NUP54: variants seen among roughly 807,000 people sequenced by gnomAD.
NUP54 encodes nucleoporin 54, also known as nucleoporin p54.
Under a neutral mutation model 66.4 loss-of-function variants are expected in NUP54, and 27 were observed. The ratio of observed to expected loss-of-function variants is 0.41; its 90% CI spans 0.30 to 0.56. NUP54 has a LOEUF of 0.56. NUP54 is among the 20% of genes least tolerant of loss of function. The probability of loss-of-function intolerance (pLI) is 0.34; values close to 1 mark genes in which losing one functional copy is unlikely to be tolerated. For synonymous variants in NUP54, 206 were observed against 210.7 expected, an observed-to-expected ratio of 0.98 and a Z score of 0.19; for missense variants, 486 against 596.3, an observed-to-expected ratio of 0.82 and a Z score of 1.93.
At position 76,115,145 on chromosome 4, in the gene NUP54, T is replaced by C. The variant is rs1453051401; in HGVS notation, c.*221A>G. Reference sequence around the variant, plus strand: ...AATTATGCACTTCTTTTAAAGTAAATACAGCTTTTAGATATAAATCTTTCA... The same window carrying C: ...AATTATGCACTTCTTTTAAAGTAAACACAGCTTTTAGATATAAATCTTTCA... On this transcript the variant is annotated 3_prime_UTR_variant, in exon 12 of 12. Coordinates refer to ENST00000264883, the MANE Select transcript of NUP54 (RefSeq NM_017426.4). 1.0e-5 allele frequency: 4 copies of C among 385,312 alleles called. No homozygotes were observed. The Admixed American group carries it at 1.4e-4, about 13-fold the overall frequency. 23.9% of individuals were successfully genotyped at this position (385,312 alleles called of 1,614,324 possible). A position where few individuals can be genotyped will look rare whatever the true frequency, so the allele number is the denominator to read the frequency against.
intron 8 of NUP54, among the ~76,000 whole-genome samples, chr4:76,126,012 T>C (rs1245813209): frequency 6.6e-6 from 1 of 152,186 alleles, no homozygotes; most frequent in Non-Finnish European, 1.5e-5. Context: ...ATGTGTAAGA[T>C]GATATCTAGG....
intron 3 of NUP54, among the ~76,000 whole-genome samples, chr4:76,137,258 A>G (rs148066941): frequency 0.016 from 2,375 of 152,280 alleles, 67 homozygotes; most frequent in African/African-American, 0.055. Context: ...TCAGCTTCCC[A>G]AAGTGCTGGG....
intron 10 of NUP54, 46 bp from the exon 11 acceptor site, chr4:76,117,820 G>GAGTGTAGATCTCGGTGGTCGCCGTATCAT: frequency 1.4e-6 from 2 of 1,436,694 alleles, no homozygotes; most frequent in East Asian, 2.3e-5. Flanking sequence ...ACGAAGACTT[G>GAGTGTAGATCTCGGTGGTCGCCGTATCAT]TAAAAGACAA....
At chr4:76,133,251 T>TC (rs1425072032) in intron 5 of NUP54, among the ~76,000 whole-genome samples, 20 of 151,982 alleles carry the variant, frequency 1.3e-4, no homozygotes, top group African/African-American at 4.8e-4. Context: ...CATGTAATGT[T>TC]CATTTACAAA....
chr4:76,144,334 A>AG, intron 2 of NUP54, 42 bp from the exon 3 acceptor site: 2 of 1,596,096 alleles, frequency 1.3e-6, no homozygotes, highest in South Asian at 2.3e-5. Context: ...AAAAAAAAAA[A>AG]AAAATCTGAC....
At chr4:76,132,925 T>G (rs1161459818) in intron 5 of NUP54, among the ~76,000 whole-genome samples, 2 of 151,250 alleles carry the variant, frequency 1.3e-5, no homozygotes, top group Non-Finnish European at 1.5e-5. Flanking sequence ...GTATCATCAC[T>G]GCAGCCTCAA....
intron 11 of NUP54, 64 bp from the exon 12 acceptor site, chr4:76,115,558 G>A (rs2109846418): frequency 1.5e-6 from 2 of 1,342,930 alleles, no homozygotes; most frequent in Non-Finnish European, 2.0e-6. Context: ...GCTAGTCACA[G>A]GAAAAAAGAC....
At chr4:76,134,510 G>GA in intron 4 of NUP54, 148 bp from the exon 5 acceptor site, 2 of 668,244 alleles carry the variant, frequency 3.0e-6, no homozygotes, top group Non-Finnish European at 4.9e-6. Context: ...ACCATTTTGT[G>GA]CCCTAGGAGG....
In NUP54 at chr4:76,144,488, AC is replaced by A; in HGVS notation, c.68-16del. 1 of 1,563,798 alleles carries A rather than the reference AC, an allele frequency of 6.4e-7. No homozygotes were observed. Among genetic ancestry groups the A allele is most frequent in the Non-Finnish European group, 8.6e-7 (1 of 1,159,856 alleles). On this transcript the variant is annotated splice_polypyrimidine_tract_variant and intron_variant, in intron 1 of 11. Transcript: ENST00000264883. ...TCCAAACCCACCTAATTAAAAAAGA[AC>A]AAAAATAGAAAGGAAGAATCTTTTG...
At chr4:76,134,426 T>C (rs1341083562) in intron 4 of NUP54, 64 bp from the exon 5 acceptor site, 36 of 1,242,568 alleles carry the variant, frequency 2.9e-5, no homozygotes, top group Non-Finnish European at 3.8e-5. Flanking sequence ...GTGTTTAATA[T>C]TAATAGCTTA....
chr4:76,132,791 G>T, intron 5 of NUP54, 72 bp from the exon 6 acceptor site: 1 of 1,114,992 alleles, frequency 9.0e-7, no homozygotes, highest in Non-Finnish European at 1.3e-6. Flanking sequence ...GCATATCATA[G>T]CATGTGATTT....
chr4:76,115,548 G>A, intron 11 of NUP54, 54 bp from the exon 12 acceptor site: 1 of 1,432,636 alleles, frequency 7.0e-7, no homozygotes, highest in East Asian at 2.5e-5. Flanking sequence ...AAAACTGCAA[G>A]CTAGTCACAG....
Position 76,144,038 on chromosome 4 carries a change from A to C in NUP54, c.295+111T>G, listed in dbSNP as rs1731377603. On this transcript the variant is annotated intron_variant, in intron 3 of 11. Transcript: ENST00000264883. ...AAAAGTAACATTCCTAATCCTTTGG[A>C]ATATATTAATAATTCTTATAAAAAG... is the stretch of plus-strand genomic sequence containing the variant. 2.7e-5 allele frequency: 29 copies of C among 1,082,328 alleles called. No homozygotes were observed. In the South Asian group the frequency reaches 4.2e-4, roughly 16 times the overall value. 67.0% of individuals were successfully genotyped at this position (1,082,328 alleles called of 1,614,324 possible). A position where few individuals can be genotyped will look rare whatever the true frequency, so the allele number is the denominator to read the frequency against.
At chr4:76,142,346 A>C (rs763276203) in intron 3 of NUP54, among the ~76,000 whole-genome samples, 3 of 152,226 alleles carry the variant, frequency 2.0e-5, no homozygotes, top group South Asian at 4.1e-4. Flanking sequence ...CTGTTAGGCA[A>C]TCCTTGAAAT....
chr4:76,146,867 T>C (rs1455810026), intron 1 of NUP54, among the ~76,000 whole-genome samples: 1 of 152,168 alleles, frequency 6.6e-6, no homozygotes, highest in Non-Finnish European at 1.5e-5. Flanking sequence ...CTATATCACA[T>C]AAAACTAAAC....
chr4:76,129,084 CAT>C (rs919711526), intron 8 of NUP54, among the ~76,000 whole-genome samples: 3 of 152,136 alleles, frequency 2.0e-5, no homozygotes, highest in African/African-American at 7.2e-5. Context: ...GTGAATTTCC[CAT>C]GATACCAACA....
At chr4:76,147,608 C>A in intron 1 of NUP54, 6 of 1,289,712 alleles carry the variant, frequency 4.7e-6, no homozygotes, top group Non-Finnish European at 6.1e-6. Flanking sequence ...AACCCACTGG[C>A]GGTGGAGTTG....
chr4:76,143,236 T>C (rs1375680143), intron 3 of NUP54, among the ~76,000 whole-genome samples: 2 of 152,214 alleles, frequency 1.3e-5, no homozygotes, highest in Non-Finnish European at 2.9e-5. Context: ...AACTATACCA[T>C]AGGCGTGCAA....
At chr4:76,139,612 A>G (rs895184115) in intron 3 of NUP54, among the ~76,000 whole-genome samples, 3 of 152,190 alleles carry the variant, frequency 2.0e-5, no homozygotes, top group Non-Finnish European at 4.4e-5. Context: ...AACAAACCAA[A>G]TAAGAAAACG....
Sources: gnomAD v4.1 joint callset for allele counts (sites outside exome capture counted in the v4.1 genomes callset) on GRCh38, gnomAD v4.1.1 for gene constraint, MANE v1.5 for transcripts, NCBI Gene and HGNC (gene_info 2026-07-23, HGNC 2026-07-21) for gene names.